The following PRKD1 variants were observed in gnomAD, a reference collection of about 807,000 sequenced individuals.
The protein encoded by PRKD1 is protein kinase D1.
A neutral mutation model predicts 95.9 loss-of-function variants in PRKD1; 63 were observed. The observed-to-expected ratio is 0.66, with a 90% CI of 0.54 to 0.81. PRKD1 has a LOEUF of 0.81. PRKD1 is among the 30% of genes least tolerant of loss of function. PRKD1 has a pLI of 0.00. For missense variants in PRKD1, 1,048 were observed against 1,165.3 expected, an observed-to-expected ratio of 0.90 and a Z score of 1.47; for synonymous variants, 425 against 423.1, an observed-to-expected ratio of 1.00 and a Z score of -0.05.
chr14:29,845,930 C>T (rs997567140), intron 1 of PRKD1, among the ~76,000 whole-genome samples: 5 of 152,226 alleles, frequency 3.3e-5, no homozygotes, highest in African/African-American at 1.2e-4. Context: ...GTTGATGAAT[C>T]TATTTAATAA....
rs959447594 is a variant in PRKD1 at position 29,632,857 on chromosome 14, G to A, written c.1392+12C>T. 2.5e-6 allele frequency: 4 copies of A among 1,595,986 alleles called. No individual in the cohort carries two copies. Among genetic ancestry groups the A allele is most frequent in the East Asian group, 2.2e-5 (1 of 44,764 alleles). ...AGAGGTATGAAACTACAAAGAAAGA[G>A]CCCACTCTTACCTTGTAGTACCTGC... is the stretch of plus-strand genomic sequence containing the variant. On this transcript the variant is annotated intron_variant, in intron 9 of 17. Transcript: ENST00000331968.
Position 29,702,225 on chromosome 14 carries a change from A to G in PRKD1, c.403+23311T>C, listed in dbSNP as rs144512463. Among the ~76,000 whole-genome samples, 107 of 152,194 alleles carry G rather than the reference A, an allele frequency of 7.0e-4. 2 individuals are homozygous for G. The highest frequency in any genetic ancestry group is 2.4e-3 in the African/African-American group (101 of 41,552). On this transcript the variant is annotated intron_variant, in intron 2 of 17. Transcript: ENST00000331968. ...TTATGGTTTATTATCAACCCCTCTAATTGCGTGTAAGAGCTTTTAAGTTTA... is the reference window on the plus strand; with the variant it reads ...TTATGGTTTATTATCAACCCCTCTAGTTGCGTGTAAGAGCTTTTAAGTTTA...
intron 1 of PRKD1, among the ~76,000 whole-genome samples, chr14:29,826,861 A>ATG (rs1891216143): frequency 9.8e-6 from 1 of 102,430 alleles, no homozygotes; most frequent in Admixed American, 1.1e-4. Flanking sequence ...ATATATATAT[A>ATG]TATATATATA....
intron 2 of PRKD1, among the ~76,000 whole-genome samples, chr14:29,724,032 G>T (rs1249432187): frequency 1.3e-5 from 2 of 152,096 alleles, no homozygotes; most frequent in Non-Finnish European, 2.9e-5. Context: ...TGCAGCAAGG[G>T]AATTCTAGAG....
intron 1 of PRKD1, among the ~76,000 whole-genome samples, chr14:29,810,182 T>C (rs1339577717): frequency 1.3e-5 from 2 of 152,102 alleles, no homozygotes; most frequent in East Asian, 3.9e-4. Context: ...ACCATAAAAA[T>C]ATAATAAAAG....
At chr14:29,658,886 T>C (rs1043860235) in intron 4 of PRKD1, among the ~76,000 whole-genome samples, 3 of 152,238 alleles carry the variant, frequency 2.0e-5, no homozygotes, top group Non-Finnish European at 4.4e-5. Flanking sequence ...TCTCATAACA[T>C]AATGTATTAA....
rs1566525192 is a variant in PRKD1, at chr14:29,666,066, A to C, written c.535+11T>G. The C allele has an allele frequency of 6.3e-7, 1 of 1,577,376 alleles. No individual in the cohort carries two copies. Among genetic ancestry groups the C allele is most frequent in the Non-Finnish European group, 8.7e-7 (1 of 1,154,578 alleles). The stretch of plus-strand genomic sequence containing the variant: ...CACACATTTAACTTGCATGGGAAGA[A>C]AATAACTTACCTTCACATTTAAGAC... On this transcript the variant is annotated intron_variant, in intron 3 of 17. Transcript: ENST00000331968.
chr14:29,731,874 T>A (rs559009992), intron 1 of PRKD1, among the ~76,000 whole-genome samples: 286 of 151,566 alleles, frequency 1.9e-3, no homozygotes, highest in African/African-American at 6.3e-3. Flanking sequence ...CTACTTTTTT[T>A]TTTTTTTTTT....
intron 1 of PRKD1, among the ~76,000 whole-genome samples, chr14:29,752,020 C>T (rs1184477221): frequency 5.9e-5 from 9 of 152,154 alleles, no homozygotes; most frequent in Non-Finnish European, 1.2e-4. Context: ...GAAATATTTG[C>T]TGTTTCCTTT....
intron 17 of PRKD1, among the ~76,000 whole-genome samples, 177 bp from the exon 18 acceptor site, chr14:29,577,633 C>G (rs1054956838): frequency 6.6e-6 from 1 of 152,122 alleles, no homozygotes; most frequent in African/African-American, 2.4e-5. Context: ...TCCTATTTGT[C>G]TAACCTTTGC....
In PRKD1 at chr14:29,577,083, G is replaced by C. The variant is rs1457179558; in HGVS notation, c.*155C>G. On this transcript the variant is annotated 3_prime_UTR_variant, in exon 18 of 18. Coordinates refer to ENST00000331968, the MANE Select transcript of PRKD1 (RefSeq NM_002742.3). ...AAAATACAAATGCTTCTGTTGATTT[G>C]TCTTGGCAACTCAGATACATCAACA... The C allele has an allele frequency of 1.3e-6, 1 of 775,580 alleles. No individual in the cohort carries two copies. The highest frequency in any genetic ancestry group is 2.0e-6 in the Non-Finnish European group (1 of 489,114). 48.0% of individuals were successfully genotyped at this position (775,580 alleles called of 1,614,324 possible).
intron 1 of PRKD1, among the ~76,000 whole-genome samples, chr14:29,874,084 T>G (rs2139383046): frequency 6.6e-6 from 1 of 152,228 alleles, no homozygotes; most frequent in East Asian, 1.9e-4. Context: ...TTTGCTTGGT[T>G]GTATACACAG....
intron 13 of PRKD1, among the ~76,000 whole-genome samples, chr14:29,600,251 A>C (rs545874575): frequency 6.6e-6 from 1 of 152,288 alleles, no homozygotes; most frequent in South Asian, 2.1e-4. Flanking sequence ...GCACTGATTA[A>C]GTACCTTAGT....
At chr14:29,824,981 C>G (rs555770552) in intron 1 of PRKD1, among the ~76,000 whole-genome samples, 1 of 152,176 alleles carries the variant, frequency 6.6e-6, no homozygotes, top group East Asian at 1.9e-4. Context: ...ATTATCACCT[C>G]AATAGAAGAT....
chr14:29,915,388 A>T (rs1322537615), intron 1 of PRKD1, among the ~76,000 whole-genome samples: 1 of 152,238 alleles, frequency 6.6e-6, no homozygotes. Flanking sequence ...TTCAAAAAAA[A>T]TTTACAATTA....
chr14:29,580,153 G>C (rs1361505553), intron 16 of PRKD1, among the ~76,000 whole-genome samples: 1 of 152,126 alleles, frequency 6.6e-6, no homozygotes, highest in Non-Finnish European at 1.5e-5. Flanking sequence ...TAATTAGAAA[G>C]GCAGGAGTAC....
At chr14:29,583,301 T>C (rs1385029392) in intron 16 of PRKD1, among the ~76,000 whole-genome samples, 1 of 152,140 alleles carries the variant, frequency 6.6e-6, no homozygotes, top group Admixed American at 6.6e-5. Flanking sequence ...ATAGCAGAGA[T>C]GGAACAAGGG....
intron 12 of PRKD1, among the ~76,000 whole-genome samples, chr14:29,625,261 T>C (rs1879542389): frequency 6.6e-6 from 1 of 152,188 alleles, no homozygotes; most frequent in South Asian, 2.1e-4. Context: ...GCCATTTTCC[T>C]GCAAGTACTT....
intron 2 of PRKD1, among the ~76,000 whole-genome samples, chr14:29,673,210 A>C (rs2139239830): frequency 6.6e-6 from 1 of 152,360 alleles, no homozygotes; most frequent in African/African-American, 2.4e-5. Context: ...AAGCTTTATA[A>C]AAAATAAAGG....
Sources: allele counts gnomAD v4.1 joint callset (sites outside exome capture counted in the v4.1 genomes callset), GRCh38; gene constraint gnomAD v4.1.1; transcripts MANE v1.5; gene names NCBI Gene and HGNC (gene_info 2026-07-23, HGNC 2026-07-21).